FOXP2: variants seen among roughly 807,000 people sequenced by gnomAD.
FOXP2 encodes the protein forkhead box protein P2.
FOXP2 carries 12 observed loss-of-function variants against 115.8 expected under a neutral mutation model. That is an observed-to-expected ratio of 0.10 (90% CI 0.07 to 0.17). FOXP2 has a LOEUF of 0.17. Ranked by LOEUF, FOXP2 falls within the 10% of genes least tolerant of loss-of-function variation. FOXP2 has a pLI of 1.00. For missense variants in FOXP2, 629 were observed against 843.5 expected, an observed-to-expected ratio of 0.75 and a Z score of 3.15; for synonymous variants, 328 against 297.7, an observed-to-expected ratio of 1.10 and a Z score of -1.05.
chr7:114,510,534 T>C (rs1384676585), intron 2 of FOXP2, among the ~76,000 whole-genome samples: 3 of 152,192 alleles, frequency 2.0e-5, no homozygotes, highest in African/African-American at 7.2e-5. Flanking sequence ...ACAAGGTTGA[T>C]TTTATAATTT....
At chr7:114,482,535 A>G (rs1584790794) in intron 2 of FOXP2, among the ~76,000 whole-genome samples, 1 of 151,490 alleles carries the variant, frequency 6.6e-6, no homozygotes, top group African/African-American at 2.4e-5. Flanking sequence ...TATCACGAAG[A>G]AAAAAAGAAT....
At chr7:114,205,588 A>C (rs1353655834) in intron 1 of FOXP2, among the ~76,000 whole-genome samples, 4 of 152,166 alleles carry the variant, frequency 2.6e-5, no homozygotes, top group Admixed American at 2.6e-4. Context: ...TCATATATTG[A>C]ATTCTCTGGG....
chr7:114,629,658 T>C, intron 4 of FOXP2, 147 bp from the exon 5 acceptor site: 1 of 1,598,940 alleles, frequency 6.3e-7, no homozygotes. Flanking sequence ...TAGAGCTGTC[T>C]CTTTGAATCC....
intron 2 of FOXP2, among the ~76,000 whole-genome samples, chr7:114,520,269 A>G (rs979241232): frequency 2.0e-5 from 3 of 152,028 alleles, no homozygotes; most frequent in Non-Finnish European, 4.4e-5. Context: ...ATCCCCTTGG[A>G]ATTTTCATAT....
intron 2 of FOXP2, among the ~76,000 whole-genome samples, chr7:114,366,213 C>T (rs1791878158): frequency 1.3e-5 from 2 of 152,028 alleles, no homozygotes; most frequent in Non-Finnish European, 2.9e-5. Context: ...AGATTTGTGA[C>T]TAAATGGCTG....
At chr7:114,156,855 A>G (rs1368442014) in intron 1 of FOXP2, among the ~76,000 whole-genome samples, 1 of 152,150 alleles carries the variant, frequency 6.6e-6, no homozygotes, top group Non-Finnish European at 1.5e-5. Context: ...ATTTTCATGA[A>G]AAACAATCTT....
At chr7:114,634,370 C>A (rs1275508967) in intron 6 of FOXP2, among the ~76,000 whole-genome samples, 1 of 151,850 alleles carries the variant, frequency 6.6e-6, no homozygotes, top group Non-Finnish European at 1.5e-5. Flanking sequence ...GTTACAGCTT[C>A]TTAAATTATA....
intron 6 of FOXP2, among the ~76,000 whole-genome samples, chr7:114,633,775 G>A (rs1403682218): frequency 6.6e-6 from 1 of 152,144 alleles, no homozygotes; most frequent in Non-Finnish European, 1.5e-5. Context: ...CTAGAGTGGG[G>A]AAAAAGTAAA....
intron 2 of FOXP2, among the ~76,000 whole-genome samples, chr7:114,481,812 ATATC>A (rs1318334864): frequency 6.4e-5 from 8 of 125,226 alleles, no homozygotes; most frequent in South Asian, 2.5e-4. Context: ...ATCTATCTAT[ATATC>A]TATCTATCTA....
intron 2 of FOXP2, among the ~76,000 whole-genome samples, chr7:114,384,829 G>A (rs2129192714): frequency 6.6e-6 from 1 of 151,784 alleles, no homozygotes; most frequent in South Asian, 2.1e-4. Flanking sequence ...TTTTAGCAAA[G>A]CAGTTGTCGC....
intron 1 of FOXP2, among the ~76,000 whole-genome samples, chr7:114,120,948 G>T (rs1047103820): frequency 6.6e-6 from 1 of 151,954 alleles, no homozygotes; most frequent in Admixed American, 6.6e-5. Context: ...ATGACAGGGA[G>T]GGGGAAGAAT....
chr7:114,228,801 T>C (rs1444840795), intron 1 of FOXP2, among the ~76,000 whole-genome samples: 2 of 139,786 alleles, frequency 1.4e-5, no homozygotes, highest in Admixed American at 6.9e-5. Context: ...TACAAAAAAA[T>C]CAATGAAACA....
chr7:114,617,965 GAAA>G, intron 3 of FOXP2, among the ~76,000 whole-genome samples: 1 of 152,118 alleles, frequency 6.6e-6, no homozygotes, highest in Non-Finnish European at 1.5e-5. Context: ...CTTTCACCTA[GAAA>G]AGGCCTGCTT....
At position 114,644,693 on chromosome 7, in the gene FOXP2, A is replaced by G. The variant is rs372704196; in HGVS notation, c.998A>G (p.His333Arg). Residue 333 changes from histidine to arginine, a missense_variant, in exon 8 of 17, where the codon CAT becomes CGT. Physicochemically the swap from His to Arg is conservative, Grantham distance 29 (BLOSUM62 0). Transcript: ENST00000350908. ...VLSARRDSSS[H>R]EETGASHTLY... ...GTGTTCTTTTGCTACAGCTCGTCAC[A>G]TGAGGAGACTGGGGCCTCTCACACT... The G allele has an allele frequency of 6.2e-6, 10 of 1,613,748 alleles. No homozygotes were observed. The highest frequency in any genetic ancestry group is 1.1e-5 in the South Asian group (1 of 91,082).
intron 2 of FOXP2, among the ~76,000 whole-genome samples, chr7:114,345,265 TG>T (rs1791320094): frequency 6.6e-6 from 1 of 151,256 alleles, no homozygotes; most frequent in African/African-American, 2.4e-5. Flanking sequence ...TTGTGTAGAC[TG>T]GTGACAGCCT....
intron 2 of FOXP2, 89 bp from the exon 3 acceptor site, chr7:114,534,528 A>G (rs1160786705): frequency 1.9e-5 from 20 of 1,037,474 alleles, no homozygotes; most frequent in South Asian, 3.8e-5. Flanking sequence ...GAGTTCTTGT[A>G]CATTGAAGCC....
chr7:114,197,017 C>A (rs1179519072), intron 1 of FOXP2, among the ~76,000 whole-genome samples: 1 of 151,900 alleles, frequency 6.6e-6, no homozygotes, highest in East Asian at 1.9e-4. Flanking sequence ...CATAGTTAGA[C>A]CCCATCTCAA....
intron 1 of FOXP2, among the ~76,000 whole-genome samples, chr7:114,193,019 C>G (rs1793804194): frequency 6.6e-6 from 1 of 152,056 alleles, no homozygotes; most frequent in Admixed American, 6.5e-5. Flanking sequence ...GTCTCTATGC[C>G]TTAGACCAGT....
chr7:114,645,642 C>G (rs1427748879), intron 8 of FOXP2: 1 of 152,034 alleles, frequency 6.6e-6, no homozygotes, highest in African/African-American at 2.4e-5. Context: ...GGTGAGTGAA[C>G]TGTTTCATGC....
Sources: gnomAD v4.1 joint callset for allele counts (sites outside exome capture counted in the v4.1 genomes callset) on GRCh38, gnomAD v4.1.1 for gene constraint, MANE v1.5 for transcripts, NCBI Gene and HGNC (gene_info 2026-07-23, HGNC 2026-07-21) for gene names.